The following RAD23A variants were observed in gnomAD, a reference collection of about 807,000 sequenced individuals.
RAD23A encodes the protein RAD23 nucleotide excision repair protein A, also known as lysine-specific demethylase RAD23A.
RAD23A carries 16 observed loss-of-function variants against 44.8 expected under a neutral mutation model. The ratio of observed to expected loss-of-function variants is 0.36; its 90% CI spans 0.24 to 0.54. RAD23A has a LOEUF of 0.54. Ranked by LOEUF, RAD23A falls within the 20% of genes least tolerant of loss-of-function variation. The pLI, the probability that RAD23A is intolerant of heterozygous loss-of-function variation, is 0.89. For missense variants in RAD23A, 380 were observed against 483.3 expected, an observed-to-expected ratio of 0.79 and a Z score of 2.00; for synonymous variants, 217 against 202.9, an observed-to-expected ratio of 1.07 and a Z score of -0.59.
At position 12,948,941 on chromosome 19, in the gene RAD23A, G is replaced by T; in HGVS notation, c.600+128G>T. ...TGGGTAGTGATTCTAGCCACTAAAGGCTTCCCACAGGAGGCTGGATGTGAG... is the reference window on the plus strand; with the variant it reads ...TGGGTAGTGATTCTAGCCACTAAAGTCTTCCCACAGGAGGCTGGATGTGAG... On this transcript the variant is annotated intron_variant, in intron 5 of 8. Transcript: ENST00000586534. The surrounding 1 kb of genome is among the most constrained non-coding windows in gnomAD (Gnocchi z 5.5). 2.0e-6 allele frequency: 3 copies of T among 1,534,588 alleles called. No homozygotes were observed. Among genetic ancestry groups the T allele is most frequent in the South Asian group, 2.4e-5 (2 of 84,860 alleles).
Position 12,948,914 on chromosome 19 carries a change from T to C in RAD23A, c.600+101T>C. 1.3e-6 allele frequency: 2 copies of C among 1,549,862 alleles called. No homozygotes were observed. Among genetic ancestry groups the C allele is most frequent in the Middle Eastern group, 2.2e-4 (1 of 4,450 alleles). ...AAGGCAAAACCTGCCCTGAAAAGCCTTTGGGTAGTGATTCTAGCCACTAAA... is the reference window on the plus strand; with the variant it reads ...AAGGCAAAACCTGCCCTGAAAAGCCCTTGGGTAGTGATTCTAGCCACTAAA... On this transcript the variant is annotated intron_variant, in intron 5 of 8. Coordinates refer to ENST00000586534, the MANE Select transcript of RAD23A (RefSeq NM_005053.4). The surrounding 1 kb of genome is among the most constrained non-coding windows in gnomAD (Gnocchi z 5.5).
In RAD23A at chr19:12,949,301, C is replaced by T. The variant is rs747026594; in HGVS notation, c.706C>T (p.Arg236Trp). 2.5e-5 allele frequency: 40 copies of T among 1,613,986 alleles called. No homozygotes were observed. The highest frequency in any genetic ancestry group is 7.7e-5 in the South Asian group (7 of 91,086). Reference sequence around the variant, plus strand: ...AGGAGAGAACCCCCTGGAGTTCCTGCGGGACCAGCCCCAGTTCCAGAACAT... The same window carrying T: ...AGGAGAGAACCCCCTGGAGTTCCTGTGGGACCAGCCCCAGTTCCAGAACAT... The part of the protein sequence containing the change: ...AAGENPLEFL[R>W]DQPQFQNMRQ... The change falls in exon 7 of 9, where the codon CGG (arginine) becomes TGG (tryptophan). Residue 236 changes from arginine (R) to tryptophan (W), a missense_variant. Coordinates refer to ENST00000586534, the MANE Select transcript of RAD23A (RefSeq NM_005053.4).
Position 12,945,914 on chromosome 19 carries a change from G to C in RAD23A, c.-35G>C. 2 of 1,603,014 alleles carry C rather than the reference G, an allele frequency of 1.2e-6. No individual in the cohort carries two copies. The highest frequency in any genetic ancestry group is 1.4e-5 in the African/African-American group (1 of 73,708). On this transcript the variant is annotated 5_prime_UTR_variant, in exon 1 of 9. Transcript: ENST00000586534. ...GCGGCGTGAGTTGCATGTTGTGTGA[G>C]GATCCCGGGGCCGCCGCGTCGCTCG...
Position 12,948,585 on chromosome 19 carries a change from GGGTGCCCCAGCCATCA to G in RAD23A, c.472+35_472+50del. The G allele has an allele frequency of 6.3e-7, 1 of 1,576,622 alleles. No individual in the cohort carries two copies. Among genetic ancestry groups the G allele is most frequent in the Non-Finnish European group, 8.6e-7 (1 of 1,161,138 alleles). ...GGTGGTCCCCAGGGCAGAGGTGACTGGGTGCCCCAGCCATCAGCTGGGCCTTGTCTGGGTGCGGGAG... is the reference window on the plus strand; with the variant it reads ...GGTGGTCCCCAGGGCAGAGGTGACTGGCTGGGCCTTGTCTGGGTGCGGGAG... On this transcript the variant is annotated intron_variant, in intron 4 of 8. Transcript: ENST00000586534. This position sits in a 1 kb window ranked among gnomAD's most constrained non-coding sequence, Gnocchi z 5.5.
At chr19:12,947,240 T>C (rs1034063931) in intron 1 of RAD23A, among the ~76,000 whole-genome samples, 9 of 87,458 alleles carry the variant, frequency 1.0e-4, no homozygotes, top group Non-Finnish European at 1.8e-4. Flanking sequence ...CAGTCTAACA[T>C]AGGGAGACTC....
chr19:12,953,201 TC>T lies in RAD23A; in HGVS notation c.*154del, dbSNP rs1971863941. ...AACAAGCAAACAGTCCAGCTTCCTG[TC>T]CTCCTAAAGTGGCCCCTGTTCCCAT... On this transcript the variant is annotated 3_prime_UTR_variant, in exon 9 of 9. Coordinates refer to ENST00000586534, the MANE Select transcript of RAD23A (RefSeq NM_005053.4). 1 of 573,942 alleles carries T rather than the reference TC, an allele frequency of 1.7e-6. No homozygotes were observed. The highest frequency in any genetic ancestry group is 2.9e-6 in the Non-Finnish European group (1 of 350,558). The allele number at this position is 573,942 out of a possible 1,614,324, so 35.6% of individuals were successfully genotyped here. A position where few individuals can be genotyped will look rare whatever the true frequency, so the allele number is the denominator to read the frequency against.
In RAD23A at chr19:12,953,329, T is replaced by C. The variant is rs1391952742; in HGVS notation, c.*280T>C. 8 of 268,520 alleles carry C rather than the reference T, an allele frequency of 3.0e-5. No individual in the cohort carries two copies. Among genetic ancestry groups the C allele is most frequent in the Non-Finnish European group, 5.5e-5 (8 of 146,722 alleles). 16.6% of individuals were successfully genotyped at this position (268,520 alleles called of 1,614,324 possible). On this transcript the variant is annotated 3_prime_UTR_variant, in exon 9 of 9. Transcript: ENST00000586534. ...CGACAGATGGGCCCCTCTTGGCCTC[T>C]GTCCCAGCTCTCTGCAGCCAGACGG...
intron 7 of RAD23A, chr19:12,952,435 A>C (rs1415075622): frequency 2.4e-6 from 1 of 409,198 alleles, no homozygotes; most frequent in South Asian, 3.2e-5. Flanking sequence ...CAAGTGATCC[A>C]CCTGCCTCTG....
At chr19:12,951,192 G>T (rs1971802352) in intron 7 of RAD23A, among the ~76,000 whole-genome samples, 1 of 152,108 alleles carries the variant, frequency 6.6e-6, no homozygotes, top group African/African-American at 2.4e-5. Context: ...GCCCAGGCTG[G>T]TTTTGAACTC....
At chr19:12,949,958 C>T (rs1342010546) in intron 7 of RAD23A, among the ~76,000 whole-genome samples, 2 of 151,974 alleles carry the variant, frequency 1.3e-5, no homozygotes, top group Non-Finnish European at 2.9e-5. Context: ...ACCCTGCTGT[C>T]TGACCCTTCT....
intron 7 of RAD23A, among the ~76,000 whole-genome samples, chr19:12,950,007 G>A (rs1263810394): frequency 1.3e-5 from 2 of 152,002 alleles, no homozygotes. Context: ...CCTCCTGGTC[G>A]GTCGTGTTCT....
At chr19:12,946,604 C>G (rs1446056477) in intron 1 of RAD23A, among the ~76,000 whole-genome samples, 2 of 152,096 alleles carry the variant, frequency 1.3e-5, no homozygotes, top group Non-Finnish European at 1.5e-5. Context: ...ATGTGGAAAC[C>G]TAGGGATTGA....
In RAD23A at chr19:12,948,468, G is replaced by A; in HGVS notation, c.417-29G>A. 1 of 1,559,628 alleles carries A rather than the reference G, an allele frequency of 6.4e-7. No individual in the cohort carries two copies. On this transcript the variant is annotated intron_variant, in intron 3 of 8. Transcript: ENST00000586534. The surrounding 1 kb of genome is among the most constrained non-coding windows in gnomAD (Gnocchi z 5.5). The stretch of plus-strand genomic sequence containing the variant: ...GGGAGGGCAAGCCGCCAGAAGCCAG[G>A]GTCCGATTTCTCTCTCTTGAATTTG...
intron 7 of RAD23A, among the ~76,000 whole-genome samples, chr19:12,949,889 C>T (rs1381732056): frequency 6.6e-6 from 1 of 151,740 alleles, no homozygotes; most frequent in Non-Finnish European, 1.5e-5. Flanking sequence ...GAGTGGCCCC[C>T]TGGGTGCAAG....
chr19:12,948,332 C>G lies in RAD23A; in HGVS notation c.390C>G (p.Pro130=), dbSNP rs757088831. The G allele has an allele frequency of 2.5e-6, 4 of 1,600,134 alleles. No individual in the cohort carries two copies. Among genetic ancestry groups the G allele is most frequent in the Admixed American group, 3.4e-5 (2 of 58,182 alleles). The part of the protein sequence containing the change: ...EDKSPSEESA[P]TTSPESVSGS... ...AGAGCCCATCAGAGGAATCCGCCCC[C>G]ACGACGTCCCCAGAGTCTGTGTCAG... The change falls in exon 3 of 9, where the codon CCC becomes CCG. Residue 130 remains proline (P), a synonymous_variant. Transcript: ENST00000586534. The surrounding 1 kb of genome is among the most constrained non-coding windows in gnomAD (Gnocchi z 5.5).
intron 1 of RAD23A, among the ~76,000 whole-genome samples, chr19:12,946,892 G>C (rs557903107): frequency 6.6e-6 from 1 of 152,232 alleles, no homozygotes; most frequent in South Asian, 2.1e-4. Context: ...ACCTGTCTGT[G>C]CCTCCGTTTT....
intron 7 of RAD23A, chr19:12,952,407 G>C: frequency 3.1e-6 from 1 of 320,212 alleles, no homozygotes; most frequent in Non-Finnish European, 5.8e-6. Context: ...GGCCAGGCTG[G>C]ACTCGAACTC....
chr19:12,949,053 C>T (rs778218604), intron 5 of RAD23A, 28 bp from the exon 6 acceptor site: 2 of 1,601,680 alleles, frequency 1.2e-6, no homozygotes, highest in East Asian at 4.5e-5. Context: ...GAGGTCTGTG[C>T]ATTAGAACTA....
chr19:12,947,308 T>C lies in RAD23A; in HGVS notation c.73-540T>C, dbSNP rs147758333. On this transcript the variant is annotated intron_variant, in intron 1 of 8. Coordinates refer to ENST00000586534, the MANE Select transcript of RAD23A (RefSeq NM_005053.4). ...CTGGAGTGGTGGTGTGTACCTTTAG[T>C]CCTAGCTACTCCCAAGGCTGGACAA... Among the ~76,000 whole-genome samples, 12 of 152,292 alleles carry C rather than the reference T, an allele frequency of 7.9e-5. No individual in the cohort carries two copies. The East Asian group carries it at 2.1e-3, about 27-fold the overall frequency.
Sources: allele counts gnomAD v4.1 joint callset (sites outside exome capture counted in the v4.1 genomes callset), GRCh38; gene constraint gnomAD v4.1.1; non-coding constraint Gnocchi (gnomAD v3.1); transcripts MANE v1.5; gene names NCBI Gene and HGNC (gene_info 2026-07-23, HGNC 2026-07-21).